CNTNAP2: variants seen among roughly 807,000 people sequenced by gnomAD.
The protein encoded by CNTNAP2 is contactin-associated protein-like 2.
Under a neutral mutation model 155.2 loss-of-function variants are expected in CNTNAP2, and 98 were observed. The observed-to-expected ratio is 0.63, with a 90% CI of 0.54 to 0.75. CNTNAP2 has a LOEUF of 0.75. Among genes scored for constraint, CNTNAP2 ranks in the 30% least tolerant of loss-of-function variants. CNTNAP2 has a pLI of 0.00. For synonymous variants in CNTNAP2, 651 were observed against 631.2 expected, an observed-to-expected ratio of 1.03 and a Z score of -0.47; for missense variants, 1,727 against 1,688.1, an observed-to-expected ratio of 1.02 and a Z score of -0.40.
intron 1 of CNTNAP2, among the ~76,000 whole-genome samples, chr7:146,691,237 C>A (rs1800692909): frequency 6.6e-6 from 1 of 151,602 alleles, no homozygotes; most frequent in Non-Finnish European, 1.5e-5. Flanking sequence ...GGATCTGTTT[C>A]TTTTCTCTAA....
chr7:147,126,973 T>A (rs1801252764), intron 6 of CNTNAP2, among the ~76,000 whole-genome samples: 1 of 151,950 alleles, frequency 6.6e-6, no homozygotes, highest in Admixed American at 6.6e-5. Context: ...ATAATTTGAA[T>A]CCCCTGCAGA....
chr7:148,065,908 T>A (rs895863415), intron 15 of CNTNAP2, among the ~76,000 whole-genome samples: 1 of 152,204 alleles, frequency 6.6e-6, no homozygotes, highest in East Asian at 1.9e-4. Context: ...AAGGAGGTTC[T>A]ATTTTGGTGT....
At chr7:148,046,785 G>A (rs543981107) in intron 15 of CNTNAP2, among the ~76,000 whole-genome samples, 1 of 152,324 alleles carries the variant, frequency 6.6e-6, no homozygotes, top group African/African-American at 2.4e-5. Flanking sequence ...CTCTAGAAGA[G>A]TTATATAATC....
chr7:147,364,433 G>A (rs1010031383), intron 9 of CNTNAP2, among the ~76,000 whole-genome samples: 2 of 152,114 alleles, frequency 1.3e-5, no homozygotes, highest in Non-Finnish European at 2.9e-5. Context: ...AAGGGACTCA[G>A]TTTCTTCTAT....
chr7:147,740,185 A>G (rs1212096843), intron 13 of CNTNAP2, among the ~76,000 whole-genome samples: 1 of 152,220 alleles, frequency 6.6e-6, no homozygotes, highest in Non-Finnish European at 1.5e-5. Context: ...TTCGCAGGTT[A>G]AAATCATTCT....
chr7:147,249,622 A>AG (rs1455986285), intron 8 of CNTNAP2, among the ~76,000 whole-genome samples: 3 of 149,556 alleles, frequency 2.0e-5, no homozygotes, highest in Non-Finnish European at 3.0e-5. Context: ...AAAAAAAAAA[A>AG]AAAGGTTTCA....
At chr7:146,550,415 T>TTGTTG (rs751347925) in intron 1 of CNTNAP2, among the ~76,000 whole-genome samples, 3,226 of 115,766 alleles carry the variant, frequency 0.028, 100 homozygotes, top group Non-Finnish European at 0.042. Flanking sequence ...TTTTTTTTTT[T>TTGTTG]TTTTTTTTTT....
chr7:146,119,215 A>C (rs908578155), intron 1 of CNTNAP2, among the ~76,000 whole-genome samples: 2 of 152,058 alleles, frequency 1.3e-5, no homozygotes, highest in Admixed American at 1.3e-4. Flanking sequence ...ATCTAAAACT[A>C]TCATTTTTCT....
chr7:146,580,590 C>A (rs1798597401), intron 1 of CNTNAP2, among the ~76,000 whole-genome samples: 1 of 151,936 alleles, frequency 6.6e-6, no homozygotes, highest in South Asian at 2.1e-4. Context: ...TATTTTCTGC[C>A]TATTTCATTA....
At chr7:147,101,321 C>A (rs918861502) in intron 4 of CNTNAP2, among the ~76,000 whole-genome samples, 2 of 152,158 alleles carry the variant, frequency 1.3e-5, no homozygotes, top group African/African-American at 4.8e-5. Context: ...GACCCCTTCA[C>A]GGGACTTGCA....
intron 18 of CNTNAP2, among the ~76,000 whole-genome samples, chr7:148,178,180 G>A (rs1794980248): frequency 1.3e-5 from 2 of 152,142 alleles, no homozygotes; most frequent in Non-Finnish European, 2.9e-5. Flanking sequence ...TTATCATCAA[G>A]AGACACAAAG....
intron 2 of CNTNAP2, among the ~76,000 whole-genome samples, chr7:146,780,618 A>C (rs1802469276): frequency 6.6e-6 from 1 of 152,102 alleles, no homozygotes; most frequent in Non-Finnish European, 1.5e-5. Context: ...GCCGCAATCC[A>C]ACCCAAATGG....
intron 11 of CNTNAP2, among the ~76,000 whole-genome samples, chr7:147,528,526 TGCACACAC>T (rs770165762): frequency 6.6e-6 from 1 of 152,172 alleles, no homozygotes; most frequent in Non-Finnish European, 1.5e-5. Flanking sequence ...CAGACACACA[TGCACACAC>T]ATACATGTAC....
chr7:147,132,203 T>A (rs910903599), intron 7 of CNTNAP2, 42 bp from the exon 8 acceptor site: 4 of 1,611,772 alleles, frequency 2.5e-6, no homozygotes, highest in Non-Finnish European at 2.5e-6. Context: ...GATGTTCATT[T>A]TATTCTGTGT....
At chr7:146,927,360 A>C (rs1224411595) in intron 3 of CNTNAP2, among the ~76,000 whole-genome samples, 1 of 152,140 alleles carries the variant, frequency 6.6e-6, no homozygotes, top group East Asian at 1.9e-4. Flanking sequence ...TTTATCATTG[A>C]CCATGACCCA....
At chr7:146,197,523 A>G (rs7795190) in intron 1 of CNTNAP2, among the ~76,000 whole-genome samples, 1 of 151,962 alleles carries the variant, frequency 6.6e-6, no homozygotes, top group East Asian at 1.9e-4. Context: ...TTTTTGTTCC[A>G]TGATACTATT....
intron 9 of CNTNAP2, among the ~76,000 whole-genome samples, chr7:147,320,534 A>G (rs1179797026): frequency 6.6e-6 from 1 of 152,224 alleles, no homozygotes; most frequent in Non-Finnish European, 1.5e-5. Flanking sequence ...AAAATCTCAT[A>G]AGTTATTGCA....
chr7:146,516,228 A>C (rs1797539058), intron 1 of CNTNAP2, among the ~76,000 whole-genome samples: 1 of 152,000 alleles, frequency 6.6e-6, no homozygotes, highest in Admixed American at 6.6e-5. Context: ...TATGGTCAGT[A>C]ATGGGGGAAA....
chr7:146,946,027 C>A (rs542794805), intron 3 of CNTNAP2, among the ~76,000 whole-genome samples: 24 of 152,154 alleles, frequency 1.6e-4, no homozygotes, highest in Admixed American at 1.3e-3. Context: ...GGGTTTTCTA[C>A]CAATAAGTTT....
Sources: allele counts gnomAD v4.1 joint callset (sites outside exome capture counted in the v4.1 genomes callset), GRCh38; gene constraint gnomAD v4.1.1; transcripts MANE v1.5; gene names NCBI Gene and HGNC (gene_info 2026-07-23, HGNC 2026-07-21).